Variants in PRKG1 observed in about 807,000 individuals in gnomAD.
PRKG1 encodes protein kinase cGMP-dependent 1.
PRKG1 carries 35 observed loss-of-function variants against 88.1 expected under a neutral mutation model. That is an observed-to-expected ratio of 0.40 (90% CI 0.30 to 0.53). The LOEUF (loss-of-function observed/expected upper bound fraction) is 0.53, where lower values mean the gene tolerates loss of function less well. Ranked by LOEUF, PRKG1 falls within the 20% of genes least tolerant of loss-of-function variation. The pLI is 0.59. For synonymous variants in PRKG1, 303 were observed against 292.5 expected, an observed-to-expected ratio of 1.04 and a Z score of -0.37; for missense variants, 540 against 839.8, an observed-to-expected ratio of 0.64 and a Z score of 4.41.
At chr10:51,735,877 A>ATT (rs1292242827) in intron 3 of PRKG1, among the ~76,000 whole-genome samples, 1 of 115,672 alleles carries the variant, frequency 8.6e-6, no homozygotes, top group East Asian at 2.3e-4. Context: ...ATATATATAT[A>ATT]TATGTATATT....
chr10:51,840,460 G>C (rs373553788), intron 4 of PRKG1, among the ~76,000 whole-genome samples: 5 of 151,970 alleles, frequency 3.3e-5, no homozygotes, highest in Non-Finnish European at 7.4e-5. Flanking sequence ...GTTCTCAGGA[G>C]ACTCAGAATA....
chr10:51,042,825 G>A (rs1843442636), intron 1 of PRKG1, among the ~76,000 whole-genome samples: 1 of 152,142 alleles, frequency 6.6e-6, no homozygotes, highest in African/African-American at 2.4e-5. Flanking sequence ...GGCGTCATGA[G>A]GAAGGAGCCC....
intron 9 of PRKG1, among the ~76,000 whole-genome samples, chr10:52,185,430 G>A (rs984446347): frequency 6.6e-6 from 1 of 152,174 alleles, no homozygotes; most frequent in Non-Finnish European, 1.5e-5. Context: ...TTTGCAGGGT[G>A]TACCCCCTGT....
chr10:51,441,267 G>A (rs1197728348), intron 2 of PRKG1, among the ~76,000 whole-genome samples: 2 of 151,908 alleles, frequency 1.3e-5, no homozygotes, highest in Non-Finnish European at 2.9e-5. Flanking sequence ...TTTTGCTCTT[G>A]TTCTCTCTGA....
intron 5 of PRKG1, among the ~76,000 whole-genome samples, chr10:51,962,222 G>A (rs750552744): frequency 6.6e-6 from 1 of 152,138 alleles, no homozygotes; most frequent in Non-Finnish European, 1.5e-5. Flanking sequence ...CCTGGAGCTG[G>A]ACATCTAGGG....
chr10:51,486,866 T>C (rs534198422), intron 3 of PRKG1, among the ~76,000 whole-genome samples: 6 of 152,314 alleles, frequency 3.9e-5, no homozygotes, highest in South Asian at 2.1e-4. Flanking sequence ...CTGTAATTCC[T>C]AATTTCTACA....
chr10:51,731,168 C>T (rs1198803044), intron 3 of PRKG1, among the ~76,000 whole-genome samples: 1 of 151,918 alleles, frequency 6.6e-6, no homozygotes, highest in Admixed American at 6.6e-5. Flanking sequence ...AACAAACAAA[C>T]AAACAAACAA....
intron 5 of PRKG1, among the ~76,000 whole-genome samples, chr10:51,926,415 T>TC (rs1418070213): frequency 3.3e-5 from 5 of 152,210 alleles, no homozygotes; most frequent in African/African-American, 4.8e-5. Flanking sequence ...TCTTTTGTTT[T>TC]CAAAGATGGT....
At chr10:51,485,161 A>G (rs890212263) in intron 3 of PRKG1, among the ~76,000 whole-genome samples, 6 of 152,220 alleles carry the variant, frequency 3.9e-5, no homozygotes, top group Non-Finnish European at 7.3e-5. Context: ...GGGCCATATT[A>G]GTAAATGCCA....
intron 3 of PRKG1, among the ~76,000 whole-genome samples, chr10:51,507,499 C>T (rs1841255679): frequency 6.6e-6 from 1 of 151,976 alleles, no homozygotes; most frequent in Non-Finnish European, 1.5e-5. Flanking sequence ...AAAATTATTT[C>T]ATATTTGGTT....
chr10:51,976,516 CA>C (rs2133100045), intron 5 of PRKG1, among the ~76,000 whole-genome samples: 1 of 151,032 alleles, frequency 6.6e-6, no homozygotes, highest in Non-Finnish European at 1.5e-5. Flanking sequence ...CCACATACTA[CA>C]TGATTCTATT....
chr10:51,435,961 G>T (rs193082376), intron 2 of PRKG1, among the ~76,000 whole-genome samples: 38 of 152,022 alleles, frequency 2.5e-4, no homozygotes, highest in Admixed American at 1.2e-3. Flanking sequence ...TTAGGATCTT[G>T]GTTGATGGGG....
intron 5 of PRKG1, among the ~76,000 whole-genome samples, chr10:52,046,308 C>A (rs1209582279): frequency 6.6e-6 from 1 of 152,046 alleles, no homozygotes; most frequent in Non-Finnish European, 1.5e-5. Context: ...ATCATCTGAG[C>A]ACCTTTACAT....
intron 2 of PRKG1, among the ~76,000 whole-genome samples, chr10:51,359,638 G>A (rs1842436844): frequency 1.3e-5 from 2 of 151,816 alleles, no homozygotes; most frequent in Non-Finnish European, 2.9e-5. Context: ...CTTGGTTTCT[G>A]CCATCATGGC....
intron 2 of PRKG1, among the ~76,000 whole-genome samples, chr10:51,262,035 C>T (rs1009906655): frequency 1.1e-4 from 16 of 151,616 alleles, no homozygotes; most frequent in African/African-American, 3.9e-4. Flanking sequence ...TACAGGCGCC[C>T]GCCACTATGC....
chr10:51,651,424 C>A (rs538477509), intron 3 of PRKG1, among the ~76,000 whole-genome samples: 2 of 152,146 alleles, frequency 1.3e-5, no homozygotes, highest in African/African-American at 4.8e-5. Flanking sequence ...CTATAGGTTA[C>A]CCCTGTTCCA....
chr10:52,190,848 T>TA lies in PRKG1; in HGVS notation c.1076+28894dup, dbSNP rs201166666. Among the ~76,000 whole-genome samples, 15 of 151,838 alleles carry TA rather than the reference T, an allele frequency of 9.9e-5. No individual in the cohort carries two copies. The East Asian group carries it at 1.2e-3, about 12-fold the overall frequency. On this transcript the variant is annotated intron_variant, in intron 9 of 17. Coordinates refer to ENST00000373980, the MANE Select transcript of PRKG1 (RefSeq NM_006258.4). ...GCCACAACTGCTTTGTCGAGTTCTTTAAAAAAAAATTTACTGATATATTTT... is the reference window on the plus strand; with the variant it reads ...GCCACAACTGCTTTGTCGAGTTCTTTAAAAAAAAAATTTACTGATATATTTT...
intron 5 of PRKG1, chr10:51,909,618 A>G (rs1043300994): frequency 6.6e-6 from 1 of 152,214 alleles, no homozygotes; most frequent in Non-Finnish European, 1.5e-5. Context: ...AAAGGGAATG[A>G]ATGAATGAAT....
intron 1 of PRKG1, among the ~76,000 whole-genome samples, chr10:51,090,661 T>C (rs1193688921): frequency 1.3e-5 from 2 of 152,170 alleles, no homozygotes; most frequent in Admixed American, 1.3e-4. Context: ...TATTTAGTGG[T>C]TATTCTGTGC....
Sources: gnomAD v4.1 joint callset for allele counts (sites outside exome capture counted in the v4.1 genomes callset) on GRCh38, gnomAD v4.1.1 for gene constraint, MANE v1.5 for transcripts, NCBI Gene and HGNC (gene_info 2026-07-23, HGNC 2026-07-21) for gene names.